Variants in MYO18B observed in about 807,000 individuals in gnomAD.
MYO18B encodes the protein myosin XVIIIB, also known as unconventional myosin-XVIIIb.
A neutral mutation model predicts 273.0 loss-of-function variants in MYO18B; 204 were observed. The observed-to-expected ratio is 0.75, with a 90% CI of 0.67 to 0.84. The LOEUF is 0.84. MYO18B is among the 40% of genes least tolerant of loss of function. The probability of loss-of-function intolerance (pLI) is 0.00; values close to 1 mark genes in which losing one functional copy is unlikely to be tolerated. For synonymous variants in MYO18B, 1,330 were observed against 1,305.7 expected (o/e 1.02, Z -0.40); for missense variants, 3,212 against 3,287.6 (o/e 0.98, Z 0.56).
At chr22:25,917,829 A>G (rs926575074) in intron 33 of MYO18B, among the ~76,000 whole-genome samples, 2 of 152,014 alleles carry the variant, frequency 1.3e-5, no homozygotes, top group Non-Finnish European at 2.9e-5. Context: ...TATAAACTCT[A>G]TTTCTGTTCT....
intron 7 of MYO18B, among the ~76,000 whole-genome samples, chr22:25,777,269 A>G (rs2086950759): frequency 6.6e-6 from 1 of 152,200 alleles, no homozygotes; most frequent in African/African-American, 2.4e-5. Flanking sequence ...GGCAGATACC[A>G]TTCGATGCTT....
intron 15 of MYO18B, among the ~76,000 whole-genome samples, chr22:25,829,767 G>A (rs905045755): frequency 5.3e-5 from 8 of 152,026 alleles, no homozygotes; most frequent in African/African-American, 9.7e-5. Context: ...GAACCCGGGA[G>A]GTGGAGGTCG....
intron 21 of MYO18B, among the ~76,000 whole-genome samples, chr22:25,856,318 A>T (rs1389314922): frequency 6.6e-6 from 1 of 152,182 alleles, no homozygotes; most frequent in African/African-American, 2.4e-5. Context: ...TTTCATGTTC[A>T]CACAGGAGTT....
chr22:25,889,795 A>C (rs1376855947), intron 25 of MYO18B, among the ~76,000 whole-genome samples: 1 of 152,134 alleles, frequency 6.6e-6, no homozygotes, highest in Non-Finnish European at 1.5e-5. Flanking sequence ...AGAAAAAAAA[A>C]CCAGTGCAGG....
At chr22:25,907,524 T>A (rs534427144) in intron 31 of MYO18B, among the ~76,000 whole-genome samples, 1 of 152,210 alleles carries the variant, frequency 6.6e-6, no homozygotes, top group African/African-American at 2.4e-5. Flanking sequence ...TTAATTCTCA[T>A]AGTAGCATTC....
chr22:25,876,469 C>T (rs1479138584), intron 24 of MYO18B, 137 bp downstream of exon 24: 2 of 922,060 alleles, frequency 2.2e-6, no homozygotes, highest in African/African-American at 1.7e-5. Flanking sequence ...CTTGATGCCC[C>T]TTCCAGATGT....
At chr22:25,745,380 G>T (rs1167127115) in intron 1 of MYO18B, among the ~76,000 whole-genome samples, 1 of 152,060 alleles carries the variant, frequency 6.6e-6, no homozygotes, top group Non-Finnish European at 1.5e-5. Context: ...AAAGTGTTGG[G>T]ATTACAGGCG....
At chr22:25,960,202 A>G (rs2092902825) in intron 39 of MYO18B, among the ~76,000 whole-genome samples, 1 of 152,188 alleles carries the variant, frequency 6.6e-6, no homozygotes, top group South Asian at 2.1e-4. Flanking sequence ...AGACTCCAGG[A>G]GCCATTATGG....
At chr22:25,962,525 G>C (rs1430313096) in intron 39 of MYO18B, among the ~76,000 whole-genome samples, 1 of 152,188 alleles carries the variant, frequency 6.6e-6, no homozygotes, top group Non-Finnish European at 1.5e-5. Context: ...ACTGTTGTTT[G>C]TATCTTACTA....
chr22:25,986,306 G>A (rs2093201756), intron 39 of MYO18B, among the ~76,000 whole-genome samples: 1 of 152,122 alleles, frequency 6.6e-6, no homozygotes, highest in South Asian at 2.1e-4. Context: ...CATCAGAGAG[G>A]AATAAAGTAT....
At chr22:25,791,644 A>G (rs73401958) in intron 11 of MYO18B, among the ~76,000 whole-genome samples, 2,802 of 152,296 alleles carry the variant, frequency 0.018, 81 homozygotes, top group African/African-American at 0.056. Context: ...AGTGGTAATA[A>G]TAATAATAAT....
chr22:25,922,704 T>C lies in MYO18B; in HGVS notation c.5517+1295T>C, dbSNP rs538586617. ...AAACCCAGTGCCCTTCTCTCTTCCT[T>C]CTGGAGACACAGCCCATGATGACCA... is the stretch of plus-strand genomic sequence containing the variant. On this transcript the variant is annotated intron_variant, in intron 34 of 43. Transcript: ENST00000335473. Among the ~76,000 whole-genome samples the C allele has an allele frequency of 4.5e-4, 68 of 152,220 alleles. 1 individual carries two copies. Among genetic ancestry groups the C allele is most frequent in the Non-Finnish European group, 7.5e-4 (51 of 67,992 alleles).
At chr22:26,047,797 A>G in the MYO18B span, among the ~76,000 whole-genome samples, 1 of 152,198 alleles carries the variant, frequency 6.6e-6, no homozygotes, top group Non-Finnish European at 1.5e-5. Context: ...TCTTTTGAAT[A>G]TCTAGAAATG....
intron 7 of MYO18B, among the ~76,000 whole-genome samples, chr22:25,774,325 C>T (rs377148020): frequency 5.9e-5 from 9 of 152,310 alleles, no homozygotes; most frequent in African/African-American, 1.4e-4. Flanking sequence ...TGCCCTCTCC[C>T]GTCCTTGTGG....
At chr22:25,792,822 G>A (rs527313133) in intron 11 of MYO18B, among the ~76,000 whole-genome samples, 2 of 152,140 alleles carry the variant, frequency 1.3e-5, no homozygotes, top group South Asian at 2.1e-4. Context: ...GTTAGCTCCC[G>A]TTCCGGGAGG....
intron 13 of MYO18B, among the ~76,000 whole-genome samples, chr22:25,824,358 T>C (rs2089408062): frequency 1.3e-5 from 2 of 152,086 alleles, no homozygotes; most frequent in East Asian, 1.9e-4. Context: ...GGTGATAGCA[T>C]GGGCCCTAAG....
At chr22:26,017,195 TCTTC>T (rs2146970259) in intron 42 of MYO18B, among the ~76,000 whole-genome samples, 1 of 151,796 alleles carries the variant, frequency 6.6e-6, no homozygotes, top group East Asian at 1.9e-4. Flanking sequence ...CCTTTTTCTT[TCTTC>T]CTTCTTTTTT....
At chr22:25,862,394 A>G (rs1046539461) in intron 21 of MYO18B, among the ~76,000 whole-genome samples, 3 of 152,136 alleles carry the variant, frequency 2.0e-5, no homozygotes, top group Admixed American at 6.5e-5. Context: ...ACATTTTCCT[A>G]TGTGTTTTTG....
intron 17 of MYO18B, among the ~76,000 whole-genome samples, chr22:25,840,620 C>T (rs1178343673): frequency 6.6e-6 from 1 of 152,180 alleles, no homozygotes; most frequent in African/African-American, 2.4e-5. Context: ...ATACTTTTTA[C>T]AAAACTGATG....
Sources: gnomAD v4.1 joint callset for allele counts (sites outside exome capture counted in the v4.1 genomes callset) on GRCh38, gnomAD v4.1.1 for gene constraint, MANE v1.5 for transcripts, NCBI Gene and HGNC (gene_info 2026-07-23, HGNC 2026-07-21) for gene names.